Variants in COLQ observed in about 807,000 individuals in gnomAD.
COLQ encodes acetylcholinesterase collagenic tail peptide.
In COLQ, 48 loss-of-function variants were observed where a neutral mutation model predicts 69.0. The observed-to-expected ratio is 0.70, with a 90% CI of 0.55 to 0.88. The LOEUF is 0.88. COLQ is among the 40% of genes least tolerant of loss of function. The pLI is 0.00. For missense variants in COLQ, 618 were observed against 594.6 expected, an observed-to-expected ratio of 1.04 and a Z score of -0.41; for synonymous variants, 217 against 211.2, an observed-to-expected ratio of 1.03 and a Z score of -0.24.
chr3:15,490,336 G>A (rs1005615109), intron 1 of COLQ, among the ~76,000 whole-genome samples: 34 of 152,216 alleles, frequency 2.2e-4, no homozygotes, highest in Non-Finnish European at 4.1e-4. Flanking sequence ...ATAAGTTACA[G>A]TTCAACAGAT....
Position 15,477,121 on chromosome 3 carries a change from C to A in COLQ, c.465+5G>T, listed in dbSNP as rs1384588788. 3 of 1,598,788 alleles carry A rather than the reference C, an allele frequency of 1.9e-6. No homozygotes were observed. The African/African-American group carries it at 4.0e-5, about 21-fold the overall frequency. ...GCATGAGCCCTGAGAGCATGCCACA[C>A]TTACCCTGGGTCCTTCAGGGCCTGG... is the stretch of plus-strand genomic sequence containing the variant. On this transcript the variant is annotated splice_donor_5th_base_variant and intron_variant, in intron 6 of 16. Transcript: ENST00000383788.
chr3:15,455,776 G>T, intron 15 of COLQ, 123 bp downstream of exon 15: 1 of 1,334,672 alleles, frequency 7.5e-7, no homozygotes. Context: ...AAGGTGGCCT[G>T]GGTATACCCT....
At chr3:15,464,974 G>A (rs13096625) in intron 12 of COLQ, among the ~76,000 whole-genome samples, 2 of 152,158 alleles carry the variant, frequency 1.3e-5, no homozygotes, top group Non-Finnish European at 2.9e-5. Flanking sequence ...CGGAGTTCCA[G>A]ACCAGCCTGA....
chr3:15,483,367 C>T (rs1194717910), intron 3 of COLQ, among the ~76,000 whole-genome samples: 3 of 151,994 alleles, frequency 2.0e-5, no homozygotes, highest in Non-Finnish European at 4.4e-5. Context: ...TAAATTTCCC[C>T]CTACACACTG....
At chr3:15,470,088 G>A (rs145540919) in intron 11 of COLQ, among the ~76,000 whole-genome samples, 78 of 152,232 alleles carry the variant, frequency 5.1e-4, no homozygotes, top group African/African-American at 1.7e-3. Flanking sequence ...TTACAAATTG[G>A]AGGCCTGAGT....
Position 15,510,346 on chromosome 3 carries a change from C to A in COLQ, c.106+11174G>T, listed in dbSNP as rs1049449251. ...CTCTGTAGGTATTAGCTCATTTTAT[C>A]CTCATCACCGTCTAAAATGGAGACT... On this transcript the variant is annotated intron_variant, in intron 1 of 16. Transcript: ENST00000383788. 2.7e-4 allele frequency among the ~76,000 whole-genome samples: 41 copies of A among 152,210 alleles called. 1 individual carries two copies. The highest frequency in any genetic ancestry group is 9.9e-4 in the African/African-American group (41 of 41,528).
chr3:15,499,384 A>G (rs1402611675), intron 1 of COLQ, among the ~76,000 whole-genome samples: 2 of 152,256 alleles, frequency 1.3e-5, no homozygotes, highest in Admixed American at 6.5e-5. Flanking sequence ...AGTAAAGACC[A>G]TAAGCTATAG....
Position 15,456,548 on chromosome 3 carries a change from T to C in COLQ, c.986A>G (p.Glu329Gly), listed in dbSNP as rs2062028231. The C allele has an allele frequency of 6.2e-7, 1 of 1,614,032 alleles. No individual in the cohort carries two copies. The stretch of plus-strand genomic sequence containing the variant: ...AATGGCGTTTTGGGTGTTCAGCCTC[T>C]CAAGCTCCTCCTGGTTGTTGACCAC... Reference protein sequence around the residue: ...IFVVNNQEELERLNTQNAIAF... With the variant: ...IFVVNNQEELGRLNTQNAIAF... Residue 329 changes from glutamate to glycine, a missense_variant, in exon 14 of 17, where the codon GAG becomes GGG. Glu to Gly is a moderately conservative substitution (Grantham distance 98). Coordinates refer to ENST00000383788, the MANE Select transcript of COLQ (RefSeq NM_005677.4).
At chr3:15,484,697 CAT>C (rs910350421) in intron 3 of COLQ, among the ~76,000 whole-genome samples, 2 of 152,236 alleles carry the variant, frequency 1.3e-5, no homozygotes, top group African/African-American at 4.8e-5. Context: ...CTTTCTTCCA[CAT>C]GATTGAATTG....
chr3:15,463,949 C>A (rs988962627), intron 12 of COLQ, among the ~76,000 whole-genome samples: 3 of 152,226 alleles, frequency 2.0e-5, no homozygotes, highest in African/African-American at 7.2e-5. Flanking sequence ...ATTACCCATA[C>A]TAATCAGTGT....
Position 15,474,678 on chromosome 3 carries a change from C to G in COLQ, c.555+247G>C, listed in dbSNP as rs148373323. Among the ~76,000 whole-genome samples, 14 of 152,346 alleles carry G rather than the reference C, an allele frequency of 9.2e-5. 1 individual carries two copies. Among genetic ancestry groups the G allele is most frequent in the African/African-American group, 3.4e-4 (14 of 41,590 alleles). Reference sequence around the variant, plus strand: ...CTTATTCTCTACCTGGCACGGCCTTCATTTGCTTATGTGCTCCACACGAGG... The same window carrying G: ...CTTATTCTCTACCTGGCACGGCCTTGATTTGCTTATGTGCTCCACACGAGG... On this transcript the variant is annotated intron_variant, in intron 8 of 16. Coordinates refer to ENST00000383788, the MANE Select transcript of COLQ (RefSeq NM_005677.4).
chr3:15,502,113 A>ATTTTTTTTTTTTTTTTTTTTTTTTTTGT (rs61521157), intron 1 of COLQ, among the ~76,000 whole-genome samples: 1 of 128,564 alleles, frequency 7.8e-6, no homozygotes, highest in African/African-American at 2.9e-5. Context: ...ACTTGCACTG[A>ATTTTTTTTTTTTTTTTTTTTTTTTTTGT]TTTTTTTTTT....
intron 1 of COLQ, among the ~76,000 whole-genome samples, chr3:15,493,652 T>G (rs960846493): frequency 6.6e-6 from 1 of 152,234 alleles, no homozygotes; most frequent in Non-Finnish European, 1.5e-5. Context: ...TGACAGGTCA[T>G]GGGGGCAGCT....
chr3:15,487,628 T>C (rs1272518437), intron 3 of COLQ, among the ~76,000 whole-genome samples: 1 of 152,240 alleles, frequency 6.6e-6, no homozygotes, highest in Non-Finnish European at 1.5e-5. Context: ...AGCACCCTCT[T>C]GGAGGCAGGC....
intron 9 of COLQ, 60 bp from the exon 10 acceptor site, chr3:15,474,095 G>A: frequency 6.2e-7 from 1 of 1,610,774 alleles, no homozygotes; most frequent in Non-Finnish European, 8.5e-7. Flanking sequence ...AAATGGCTGT[G>A]GACAGGCTTT....
chr3:15,493,218 T>C (rs1295423072), intron 1 of COLQ, among the ~76,000 whole-genome samples: 1 of 152,102 alleles, frequency 6.6e-6, no homozygotes, highest in African/African-American at 2.4e-5. Context: ...AGGTGGCTGA[T>C]GGAAGGAGGG....
In COLQ at chr3:15,474,968, G is replaced by A; in HGVS notation, c.529-17C>T. The A allele has an allele frequency of 6.2e-7, 1 of 1,613,948 alleles. No individual in the cohort carries two copies. Among genetic ancestry groups the A allele is most frequent in the African/African-American group, 1.3e-5 (1 of 75,034 alleles). The stretch of plus-strand genomic sequence containing the variant: ...AGGGTAGCCCTAAAAGAAAGCAGAA[G>A]GTACATTTACAATCAGCCCTGTAGG... On this transcript the variant is annotated splice_polypyrimidine_tract_variant and intron_variant, in intron 7 of 16. Transcript: ENST00000383788.
intron 1 of COLQ, among the ~76,000 whole-genome samples, chr3:15,503,349 T>C (rs1458557226): frequency 1.1e-4 from 16 of 152,098 alleles, no homozygotes; most frequent in Admixed American, 9.8e-4. Context: ...CTCTGCAGTA[T>C]AGAGAGATGG....
chr3:15,518,727 A>T (rs1310266287), intron 1 of COLQ, among the ~76,000 whole-genome samples: 1 of 152,086 alleles, frequency 6.6e-6, no homozygotes, highest in Non-Finnish European at 1.5e-5. Flanking sequence ...CTCCATCACA[A>T]CCCCTTTCCG....
Sources: gnomAD v4.1 joint callset for allele counts (sites outside exome capture counted in the v4.1 genomes callset) on GRCh38, gnomAD v4.1.1 for gene constraint, MANE v1.5 for transcripts, NCBI Gene and HGNC (gene_info 2026-07-23, HGNC 2026-07-21) for gene names.